PCDHGB5: variants seen among roughly 807,000 people sequenced by gnomAD.
PCDHGB5 encodes protocadherin gamma-B5.
Under a neutral mutation model 62.9 loss-of-function variants are expected in PCDHGB5, and 48 were observed. The observed-to-expected ratio is 0.76, with a 90% CI of 0.61 to 0.97. The LOEUF (loss-of-function observed/expected upper bound fraction) is 0.97. Among genes scored for constraint, PCDHGB5 ranks in the 50% least tolerant of loss-of-function variants. PCDHGB5 has a pLI of 0.00. For missense variants in PCDHGB5, 1,118 were observed against 1,198.6 expected, an observed-to-expected ratio of 0.93 and a Z score of 0.99; for synonymous variants, 474 against 511.2, an observed-to-expected ratio of 0.93 and a Z score of 0.98.
chr5:141,473,254 T>C (rs1203765731), intron 1 of PCDHGB5, among the ~76,000 whole-genome samples: 5 of 152,152 alleles, frequency 3.3e-5, no homozygotes, highest in African/African-American at 4.8e-5. Context: ...ACATATATAG[T>C]CCTTAGTGTA....
chr5:141,438,635 TACACAC>T (rs56854727), intron 1 of PCDHGB5, among the ~76,000 whole-genome samples: 557 of 33,182 alleles, frequency 0.017, 8 homozygotes, highest in South Asian at 0.028. Flanking sequence ...TATATATATA[TACACAC>T]ACACACACAC....
Position 141,487,106 on chromosome 5 carries a change from A to G in PCDHGB5, c.2398-7701A>G, listed in dbSNP as rs777727830. ...TGACCTCCCACCACAGAAGCTGGTC[A>G]TTGTGGTAAAGGATAGTGGTAGTCC... On this transcript the variant is annotated intron_variant, in intron 1 of 3. Transcript: ENST00000617380. The surrounding 1 kb of genome is among the most constrained non-coding windows in gnomAD (Gnocchi z 5.0). 1 of 1,613,902 alleles carries G rather than the reference A, an allele frequency of 6.2e-7. No individual in the cohort carries two copies. The highest frequency in any genetic ancestry group is 1.3e-5 in the African/African-American group (1 of 75,028).
Position 141,422,832 on chromosome 5 carries a change from A to G in PCDHGB5, c.2397+22308A>G, listed in dbSNP as rs12520854. On this transcript the variant is annotated intron_variant, in intron 1 of 3. Coordinates refer to ENST00000617380, the MANE Select transcript of PCDHGB5 (RefSeq NM_018925.3). Reference sequence around the variant, plus strand: ...GAGACTTAGAACTGAGAGTGATAGCACGTGACAGCGGGGACCCGCCCCTCA... The same window carrying G: ...GAGACTTAGAACTGAGAGTGATAGCGCGTGACAGCGGGGACCCGCCCCTCA... The G allele has an allele frequency of 6.8e-3, 10,902 of 1,614,192 alleles. 60 individuals are homozygous for G. The highest frequency in any genetic ancestry group is 7.9e-3 in the Non-Finnish European group (9,294 of 1,180,036).
At chr5:141,414,570 C>G (rs1253876890) in intron 1 of PCDHGB5, 13 of 1,613,862 alleles carry the variant, frequency 8.1e-6, no homozygotes, top group Non-Finnish European at 1.0e-5. Flanking sequence ...TTACCTATAT[C>G]CCAGAGAACA....
chr5:141,409,927 C>T, intron 1 of PCDHGB5: 5 of 1,613,342 alleles, frequency 3.1e-6, no homozygotes, highest in Middle Eastern at 1.6e-4. Flanking sequence ...CCGCGTTCTT[C>T]GATATGGTAC....
chr5:141,410,329 G>T, intron 1 of PCDHGB5: 1 of 1,613,982 alleles, frequency 6.2e-7, no homozygotes, highest in African/African-American at 1.3e-5. Context: ...CCGTGATTCT[G>T]GCCATTGCCT....
At chr5:141,503,387 G>A (rs975079596) in intron 2 of PCDHGB5, among the ~76,000 whole-genome samples, 24 of 152,068 alleles carry the variant, frequency 1.6e-4, no homozygotes, top group Middle Eastern at 3.4e-3. Flanking sequence ...ATGAGGTCAG[G>A]AGTTCGAAAC....
chr5:141,440,444 C>G (rs2098178389), intron 1 of PCDHGB5: 1 of 152,038 alleles, frequency 6.6e-6, no homozygotes, highest in Admixed American at 6.6e-5. Context: ...AAGGCGCCAT[C>G]TCAAAAAAAA....
rs1263728099 is a variant in PCDHGB5, at chr5:141,476,079, G to T, written c.2398-18728G>T. Reference sequence around the variant, plus strand: ...AGTTTCTCAGCGAAATCTCAGGGACGATCTGGACCCCGCTGAGAGGAACTG... The same window carrying T: ...AGTTTCTCAGCGAAATCTCAGGGACTATCTGGACCCCGCTGAGAGGAACTG... On this transcript the variant is annotated intron_variant, in intron 1 of 3. Coordinates refer to ENST00000617380, the MANE Select transcript of PCDHGB5 (RefSeq NM_018925.3). This position sits in a 1 kb window ranked among gnomAD's most constrained non-coding sequence, Gnocchi z 7.6. 3 of 1,537,560 alleles carry T rather than the reference G, an allele frequency of 2.0e-6. No homozygotes were observed. Among genetic ancestry groups the T allele is most frequent in the African/African-American group, 1.4e-5 (1 of 72,808 alleles).
At chr5:141,498,863 G>A (rs1311199561) in intron 2 of PCDHGB5, among the ~76,000 whole-genome samples, 2 of 151,466 alleles carry the variant, frequency 1.3e-5, no homozygotes, top group South Asian at 2.1e-4. Context: ...AACCCAGGAG[G>A]CGGAGGTTGC....
chr5:141,482,767 A>AGCTAGTACTATAATTATTTTTATTAGTTC (rs1370824281), intron 1 of PCDHGB5, among the ~76,000 whole-genome samples: 2 of 150,588 alleles, frequency 1.3e-5, no homozygotes, highest in African/African-American at 2.5e-5. Context: ...TTTCATTATC[A>AGCTAGTACTATAATTATTTTTATTAGTTC]CTGAACCTTA....
At chr5:141,456,815 T>A (rs867637586) in intron 1 of PCDHGB5, among the ~76,000 whole-genome samples, 5 of 151,934 alleles carry the variant, frequency 3.3e-5, no homozygotes, top group Non-Finnish European at 7.4e-5. Flanking sequence ...ATACAAAAAA[T>A]TAGCCATCGT....
At position 141,418,573 on chromosome 5, in the gene PCDHGB5, C is replaced by A. The variant is rs749104686; in HGVS notation, c.2397+18049C>A. 5.0e-6 allele frequency: 8 copies of A among 1,613,826 alleles called. No individual in the cohort carries two copies. The South Asian group carries it at 5.5e-5, about 11-fold the overall frequency. Reference sequence around the variant, plus strand: ...TCCTGGTAATAGATGCCAATGACAACCCCCCAGTGTTCAGCCAGGACGTGT... The same window carrying A: ...TCCTGGTAATAGATGCCAATGACAAACCCCCAGTGTTCAGCCAGGACGTGT... On this transcript the variant is annotated intron_variant, in intron 1 of 3. Transcript: ENST00000617380.
chr5:141,431,505 C>T lies in PCDHGB5; in HGVS notation c.2397+30981C>T. 1.2e-6 allele frequency: 2 copies of T among 1,614,018 alleles called. No individual in the cohort carries two copies. The highest frequency in any genetic ancestry group is 1.7e-6 in the Non-Finnish European group (2 of 1,180,028). On this transcript the variant is annotated intron_variant, in intron 1 of 3. Coordinates refer to ENST00000617380, the MANE Select transcript of PCDHGB5 (RefSeq NM_018925.3). This position sits in a 1 kb window ranked among gnomAD's most constrained non-coding sequence, Gnocchi z 4.8. ...GCGTTTGCTCAGCCCGAGTACCGCG[C>T]GAGCGTTCCGGAGAATCTGGCCTTG...
chr5:141,417,905 G>A (rs1462731893), intron 1 of PCDHGB5: 1 of 1,593,646 alleles, frequency 6.3e-7, no homozygotes, highest in Admixed American at 1.8e-5. Flanking sequence ...CCCGCGGCAG[G>A]TACTATTTCC....
At chr5:141,440,983 G>A (rs2154559140) in intron 1 of PCDHGB5, 1 of 152,314 alleles carries the variant, frequency 6.6e-6, no homozygotes, top group South Asian at 2.1e-4. Flanking sequence ...TCACAACCCA[G>A]AGTACCCATA....
In PCDHGB5 at chr5:141,431,538, A is replaced by G; in HGVS notation, c.2397+31014A>G. ...CCGGAGAATCTGGCCTTGGGCACGC[A>G]GCTGCTTGTAGTCAACGCTACCGAC... is the stretch of plus-strand genomic sequence containing the variant. On this transcript the variant is annotated intron_variant, in intron 1 of 3. Transcript: ENST00000617380. The surrounding 1 kb of genome is among the most constrained non-coding windows in gnomAD (Gnocchi z 4.8). The G allele has an allele frequency of 6.2e-7, 1 of 1,614,114 alleles. No individual in the cohort carries two copies. Among genetic ancestry groups the G allele is most frequent in the Non-Finnish European group, 8.5e-7 (1 of 1,180,024 alleles).
Position 141,491,717 on chromosome 5 carries a change from C to A in PCDHGB5, c.2398-3090C>A. ...CGGAGCCAGGTGAGGGGCTCGGCGC[C>A]GCCCCGGGCGACCCCTGGGGGCGGC... On this transcript the variant is annotated intron_variant, in intron 1 of 3. Coordinates refer to ENST00000617380, the MANE Select transcript of PCDHGB5 (RefSeq NM_018925.3). The surrounding 1 kb of genome is among the most constrained non-coding windows in gnomAD (Gnocchi z 6.9). 1 of 1,607,940 alleles carries A rather than the reference C, an allele frequency of 6.2e-7. No individual in the cohort carries two copies. Among genetic ancestry groups the A allele is most frequent in the Middle Eastern group, 1.7e-4 (1 of 6,010 alleles).
At chr5:141,413,129 A>G in intron 1 of PCDHGB5, 2 of 1,536,352 alleles carry the variant, frequency 1.3e-6, no homozygotes, top group East Asian at 2.3e-5. Context: ...GTTGAAACAC[A>G]CAACGTGTCC....
Sources: gnomAD v4.1 joint callset for allele counts (sites outside exome capture counted in the v4.1 genomes callset) on GRCh38, gnomAD v4.1.1 for gene constraint, Gnocchi (gnomAD v3.1) non-coding constraint, MANE v1.5 for transcripts, NCBI Gene and HGNC (gene_info 2026-07-23, HGNC 2026-07-21) for gene names.